HSD17B2: variants seen among roughly 807,000 people sequenced by gnomAD.
The protein encoded by HSD17B2 is 17-beta-hydroxysteroid dehydrogenase type 2.
A neutral mutation model predicts 26.9 loss-of-function variants in HSD17B2; 32 were observed. The observed-to-expected ratio is 1.19, with a 90% CI of 0.90 to 1.60. The LOEUF (loss-of-function observed/expected upper bound fraction) is 1.60, where lower values mean the gene tolerates loss of function less well. Among genes scored for constraint, HSD17B2 ranks in the 40% most tolerant of loss-of-function variants. The probability of loss-of-function intolerance (pLI) is 0.00; values close to 1 mark genes in which losing one functional copy is unlikely to be tolerated. For synonymous variants in HSD17B2, 246 were observed against 186.7 expected, an observed-to-expected ratio of 1.32 and a Z score of -2.59; for missense variants, 613 against 468.6, an observed-to-expected ratio of 1.31 and a Z score of -2.85.
chr16:82,037,131 T>C lies in HSD17B2; in HGVS notation c.265+1442T>C, dbSNP rs140301045. ...TGCATTTAGTGTTGAGTGAGGATGA[T>C]TGAATCAATTAGGCAACTCAAGCTC... is the stretch of plus-strand genomic sequence containing the variant. On this transcript the variant is annotated intron_variant, in intron 1 of 4. Coordinates refer to ENST00000199936, the MANE Select transcript of HSD17B2 (RefSeq NM_002153.3). 7.2e-3 allele frequency among the ~76,000 whole-genome samples: 1,096 copies of C among 152,334 alleles called. 8 individuals carry two copies. The highest frequency in any genetic ancestry group is 0.025 in the African/African-American group (1,020 of 41,566).
intron 3 of HSD17B2, among the ~76,000 whole-genome samples, chr16:82,089,160 C>T (rs2142365292): frequency 6.6e-6 from 1 of 152,258 alleles, no homozygotes; most frequent in Admixed American, 6.5e-5. Flanking sequence ...AACCACTGAT[C>T]TGTTTTACTA....
intron 1 of HSD17B2, among the ~76,000 whole-genome samples, chr16:82,049,619 G>T (rs1432527981): frequency 6.6e-6 from 1 of 152,222 alleles, no homozygotes; most frequent in Non-Finnish European, 1.5e-5. Context: ...AAGAATGAAA[G>T]AGAGGAAACA....
intron 1 of HSD17B2, among the ~76,000 whole-genome samples, chr16:82,048,847 A>G (rs1170444546): frequency 6.6e-6 from 1 of 152,240 alleles, no homozygotes; most frequent in Admixed American, 6.5e-5. Flanking sequence ...TGTAGTCAGT[A>G]GAATAGTTAT....
chr16:82,069,634 C>T (rs777373176), intron 2 of HSD17B2, among the ~76,000 whole-genome samples: 11 of 152,190 alleles, frequency 7.2e-5, no homozygotes, highest in African/African-American at 1.9e-4. Context: ...CTGCAGACTT[C>T]GCACTCTATG....
At chr16:82,059,466 A>G (rs766768481) in intron 1 of HSD17B2, among the ~76,000 whole-genome samples, 1 of 152,226 alleles carries the variant, frequency 6.6e-6, no homozygotes, top group East Asian at 1.9e-4. Flanking sequence ...AACTGTTGCC[A>G]GTGGATACCG....
chr16:82,073,902 T>A (rs1914754091), intron 3 of HSD17B2, among the ~76,000 whole-genome samples: 1 of 152,162 alleles, frequency 6.6e-6, no homozygotes. Flanking sequence ...AAGGCACCAC[T>A]AATCAAAAAG....
At chr16:82,049,916 T>A (rs777674233) in intron 1 of HSD17B2, among the ~76,000 whole-genome samples, 59 of 152,224 alleles carry the variant, frequency 3.9e-4, no homozygotes, top group Admixed American at 5.9e-4. Context: ...TTGAATCCGG[T>A]GGATATCAAC....
chr16:82,075,948 T>C (rs1904299057), intron 3 of HSD17B2, among the ~76,000 whole-genome samples: 1 of 146,424 alleles, frequency 6.8e-6, no homozygotes, highest in South Asian at 2.2e-4. Context: ...CAGGCCAATA[T>C]ACCTCATGAA....
At chr16:82,076,387 G>C (rs1296043477) in intron 3 of HSD17B2, among the ~76,000 whole-genome samples, 1 of 152,140 alleles carries the variant, frequency 6.6e-6, no homozygotes, top group African/African-American at 2.4e-5. Context: ...ATCCTGGCTA[G>C]TGCAAGCAGA....
intron 4 of HSD17B2, chr16:82,095,672 C>T (rs767462921): frequency 1.3e-5 from 2 of 152,146 alleles, no homozygotes; most frequent in Non-Finnish European, 2.9e-5. Context: ...ATAGGAACAA[C>T]TGGAAGGTCA....
At chr16:82,063,967 G>A (rs1198418240) in intron 1 of HSD17B2, among the ~76,000 whole-genome samples, 1 of 152,176 alleles carries the variant, frequency 6.6e-6, no homozygotes, top group African/African-American at 2.4e-5. Context: ...TAAACAAGTG[G>A]GGGCACCTAT....
At chr16:82,080,825 A>C (rs1268393346) in intron 3 of HSD17B2, among the ~76,000 whole-genome samples, 1 of 152,206 alleles carries the variant, frequency 6.6e-6, no homozygotes, top group Non-Finnish European at 1.5e-5. Context: ...AACGCTTAGC[A>C]CTTTATCGCA....
chr16:82,085,821 C>T (rs937647051), intron 3 of HSD17B2, among the ~76,000 whole-genome samples: 1 of 152,056 alleles, frequency 6.6e-6, no homozygotes, highest in Non-Finnish European at 1.5e-5. Flanking sequence ...GCTTGAGATG[C>T]ATCAGAATCA....
At position 82,076,785 on chromosome 16, in the gene HSD17B2, G is replaced by T. The variant is rs368722115; in HGVS notation, c.664+5658G>T. On this transcript the variant is annotated intron_variant, in intron 3 of 4. Coordinates refer to ENST00000199936, the MANE Select transcript of HSD17B2 (RefSeq NM_002153.3). ...AGTAGAGACAGGGTTTCATAATGTT[G>T]GCCAGGATGGTTTCGATCTCTTGAC... Among the ~76,000 whole-genome samples, 66 of 152,196 alleles carry T rather than the reference G, an allele frequency of 4.3e-4. 1 individual carries two copies. In the East Asian group the frequency reaches 7.0e-3, roughly 16 times the overall value.
chr16:82,076,350 C>T (rs1424495422), intron 3 of HSD17B2, among the ~76,000 whole-genome samples: 1 of 152,158 alleles, frequency 6.6e-6, no homozygotes, highest in Non-Finnish European at 1.5e-5. Flanking sequence ...CCCACTTTCA[C>T]CACTGTTATT....
At chr16:82,059,708 T>C (rs2143959036) in intron 1 of HSD17B2, among the ~76,000 whole-genome samples, 1 of 152,246 alleles carries the variant, frequency 6.6e-6, no homozygotes, top group African/African-American at 2.4e-5. Flanking sequence ...GTGTCAGAAG[T>C]TAAAAGTGGC....
chr16:82,060,492 A>C (rs1914401977), intron 1 of HSD17B2, among the ~76,000 whole-genome samples: 2 of 152,238 alleles, frequency 1.3e-5, no homozygotes, highest in Non-Finnish European at 2.9e-5. Context: ...ATGCCGACTC[A>C]TCTCCTGGTT....
chr16:82,058,787 G>A (rs1914350387), intron 1 of HSD17B2, among the ~76,000 whole-genome samples: 3 of 152,094 alleles, frequency 2.0e-5, no homozygotes, highest in Admixed American at 2.0e-4. Flanking sequence ...AAAAAATGAA[G>A]GTCATTTAAA....
chr16:82,058,567 T>C, intron 1 of HSD17B2, among the ~76,000 whole-genome samples: 1 of 152,210 alleles, frequency 6.6e-6, no homozygotes, highest in East Asian at 1.9e-4. Context: ...TTTTTGGACT[T>C]AGTCCCCTTA....
Sources: allele counts gnomAD v4.1 joint callset (sites outside exome capture counted in the v4.1 genomes callset), GRCh38; gene constraint gnomAD v4.1.1; transcripts MANE v1.5; gene names NCBI Gene and HGNC (gene_info 2026-07-23, HGNC 2026-07-21).